Variants in TNFSF4 observed in about 807,000 individuals in gnomAD.
TNFSF4 encodes TNF superfamily member 4, also known as tumor necrosis factor ligand superfamily member 4.
A neutral mutation model predicts 7.3 loss-of-function variants in TNFSF4; 4 were observed. The observed-to-expected ratio is 0.55, with a 90% CI of 0.27 to 1.25. The LOEUF is 1.25. Among genes scored for constraint, TNFSF4 ranks in the 50% most tolerant of loss-of-function variants. The probability of loss-of-function intolerance (pLI) is 0.12; values close to 1 mark genes in which losing one functional copy is unlikely to be tolerated. For synonymous variants in TNFSF4, 76 were observed against 83.7 expected (o/e 0.91, Z 0.50); for missense variants, 181 against 208.8 (o/e 0.87, Z 0.82).
the TNFSF4 span, among the ~76,000 whole-genome samples, chr1:173,255,112 G>A: frequency 6.6e-6 from 1 of 152,174 alleles, no homozygotes; most frequent in African/African-American, 2.4e-5. Context: ...TAACTGAAGT[G>A]GCTAATTGAG....
intron 1 of TNFSF4, among the ~76,000 whole-genome samples, chr1:173,188,979 C>G (rs1341602768): frequency 6.6e-6 from 1 of 152,186 alleles, no homozygotes; most frequent in African/African-American, 2.4e-5. Context: ...TCTCACCCAG[C>G]CTCCCAAAGT....
chr1:173,362,537 T>G, the TNFSF4 span: 13 of 541,412 alleles, frequency 2.4e-5, no homozygotes, highest in African/African-American at 3.9e-5. Flanking sequence ...TTTGCCTCCA[T>G]CCTTCCCACT....
the TNFSF4 span, chr1:173,441,894 C>G: frequency 2.0e-5 from 3 of 152,160 alleles, no homozygotes; most frequent in Admixed American, 6.5e-5. Flanking sequence ...ACCCATTCCT[C>G]AGGACAGGAC....
At chr1:173,404,131 G>A in the TNFSF4 span, among the ~76,000 whole-genome samples, 6 of 152,118 alleles carry the variant, frequency 3.9e-5, no homozygotes, top group East Asian at 1.9e-4. Flanking sequence ...GTCTATTGAC[G>A]CTCCATTGCT....
the TNFSF4 span, among the ~76,000 whole-genome samples, chr1:173,177,060 A>G: frequency 6.6e-6 from 1 of 152,198 alleles, no homozygotes; most frequent in African/African-American, 2.4e-5. Flanking sequence ...CTTGTGCACC[A>G]AACACCCATG....
the TNFSF4 span, among the ~76,000 whole-genome samples, chr1:173,425,146 T>C: frequency 6.6e-6 from 1 of 152,170 alleles, no homozygotes; most frequent in East Asian, 1.9e-4. Context: ...CCCTGTGGAT[T>C]TGATTTTCGA....
chr1:173,226,970 A>G, the TNFSF4 span, among the ~76,000 whole-genome samples: 2 of 152,248 alleles, frequency 1.3e-5, no homozygotes, highest in South Asian at 2.1e-4. Context: ...CCAGTTCATT[A>G]ATGAATATTT....
At chr1:173,377,551 G>A in the TNFSF4 span, among the ~76,000 whole-genome samples, 5 of 152,146 alleles carry the variant, frequency 3.3e-5, no homozygotes, top group Non-Finnish European at 7.4e-5. Context: ...TGACCCTTGC[G>A]TCCTGGGTCC....
the TNFSF4 span, among the ~76,000 whole-genome samples, chr1:173,352,864 G>A: frequency 2.0e-4 from 30 of 152,256 alleles, no homozygotes; most frequent in South Asian, 6.2e-4. Flanking sequence ...TAGAGCAGCC[G>A]TTTTAGAGGC....
At chr1:173,337,464 A>G in the TNFSF4 span, among the ~76,000 whole-genome samples, 1 of 152,154 alleles carries the variant, frequency 6.6e-6, no homozygotes, top group Non-Finnish European at 1.5e-5. Context: ...CTTCTGCTAT[A>G]CTACCCTCTC....
chr1:173,189,744 A>G (rs967874680), intron 1 of TNFSF4, among the ~76,000 whole-genome samples: 4 of 152,194 alleles, frequency 2.6e-5, no homozygotes, highest in African/African-American at 9.7e-5. Flanking sequence ...AAGAATATAC[A>G]ATACATTAAT....
chr1:173,240,054 A>T, the TNFSF4 span, among the ~76,000 whole-genome samples: 5 of 152,190 alleles, frequency 3.3e-5, no homozygotes, highest in Admixed American at 2.0e-4. Context: ...AAAAAAAGAG[A>T]ATGGGCTCAG....
intron 1 of TNFSF4, among the ~76,000 whole-genome samples, chr1:173,194,021 G>A (rs1173787954): frequency 1.3e-5 from 2 of 152,218 alleles, no homozygotes; most frequent in Non-Finnish European, 2.9e-5. Context: ...GGTCTGGGTA[G>A]ATCAAGGAAT....
At chr1:173,267,509 T>C in the TNFSF4 span, among the ~76,000 whole-genome samples, 5,650 of 152,266 alleles carry the variant, frequency 0.037, 156 homozygotes, top group East Asian at 0.13. Flanking sequence ...TTGTGGGACA[T>C]TGATCTAATT....
chr1:173,178,342 G>A, the TNFSF4 span, among the ~76,000 whole-genome samples: 1 of 152,166 alleles, frequency 6.6e-6, no homozygotes, highest in East Asian at 1.9e-4. Flanking sequence ...TTGGGAGGCC[G>A]AGGCAGGCGG....
At chr1:173,322,648 G>T in the TNFSF4 span, among the ~76,000 whole-genome samples, 3 of 152,106 alleles carry the variant, frequency 2.0e-5, no homozygotes, top group Non-Finnish European at 4.4e-5. Flanking sequence ...CAAAGAAAGG[G>T]GTGGCAGACG....
chr1:173,428,964 G>T, the TNFSF4 span, among the ~76,000 whole-genome samples: 2 of 151,798 alleles, frequency 1.3e-5, no homozygotes, highest in African/African-American at 2.4e-5. Flanking sequence ...CCGAGATTGT[G>T]CCACTGCACT....
the TNFSF4 span, among the ~76,000 whole-genome samples, chr1:173,391,314 C>G: frequency 6.9e-6 from 1 of 145,300 alleles, no homozygotes; most frequent in Non-Finnish European, 1.5e-5. Flanking sequence ...CTTTCTGTCT[C>G]TCTCTCTCTC....
chr1:173,305,779 A>T, the TNFSF4 span, among the ~76,000 whole-genome samples: 2 of 151,736 alleles, frequency 1.3e-5, no homozygotes, highest in African/African-American at 4.8e-5. Context: ...TGGAAGGAAT[A>T]CTCATAAAAC....
Sources: gnomAD v4.1 joint callset for allele counts (sites outside exome capture counted in the v4.1 genomes callset) on GRCh38, gnomAD v4.1.1 for gene constraint, MANE v1.5 for transcripts, NCBI Gene and HGNC (gene_info 2026-07-23, HGNC 2026-07-21) for gene names.